Variants in CSMD1 observed in about 807,000 individuals in gnomAD.
CSMD1 encodes the protein CUB and sushi domain-containing protein 1.
Under a neutral mutation model 417.5 loss-of-function variants are expected in CSMD1, and 213 were observed. The observed-to-expected ratio is 0.51, with a 90% confidence interval of 0.46 to 0.57. CSMD1 has a LOEUF of 0.57. Ranked by LOEUF, CSMD1 falls within the 20% of genes least tolerant of loss-of-function variation. The probability of loss-of-function intolerance (pLI) is 0.00; values close to 1 mark genes in which losing one functional copy is unlikely to be tolerated. For missense variants in CSMD1, 6,923 were observed against 4,529.7 expected (o/e 1.53, Z -15.17); for synonymous variants, 2,862 against 1,736.8 (o/e 1.65, Z -16.11).
chr8:4,171,809 C>G (rs1797778644), intron 3 of CSMD1, among the ~76,000 whole-genome samples: 1 of 152,068 alleles, frequency 6.6e-6, no homozygotes, highest in Admixed American at 6.6e-5. Context: ...ATTCATTAGA[C>G]AAATCATCTA....
chr8:2,976,027 G>A (rs1247156661), intron 55 of CSMD1, among the ~76,000 whole-genome samples: 1 of 152,202 alleles, frequency 6.6e-6, no homozygotes, highest in African/African-American at 2.4e-5. Flanking sequence ...ATGTGTGAAA[G>A]CAAGGAAGAT....
chr8:3,178,434 G>C (rs569599486), intron 37 of CSMD1, among the ~76,000 whole-genome samples: 130 of 151,946 alleles, frequency 8.6e-4, no homozygotes, highest in African/African-American at 3.1e-3. Context: ...CTGACCTTTG[G>C]TGTCATTGTT....
rs778919153 is a variant in CSMD1 at position 2,951,160 on chromosome 8, C to T, written c.10155G>A (p.Val3385=). The T allele has an allele frequency of 3.7e-6, 6 of 1,613,590 alleles. No homozygotes were observed. Among genetic ancestry groups the T allele is most frequent in the South Asian group, 1.1e-5 (1 of 91,046 alleles). Residue 3385 remains valine, a synonymous_variant, in exon 66 of 70, where the codon GTG becomes GTA. Transcript: ENST00000635120. ...GCGAGGCTTCGCTGAAGGTGGCATTCACCTTACTGCTTGTTGCATTGAACC... is the reference window on the plus strand; with the variant it reads ...GCGAGGCTTCGCTGAAGGTGGCATTTACCTTACTGCTTGTTGCATTGAACC... ...VDWFNATSSK[V]NATFSEASPV...
At chr8:2,988,041 C>A (rs533738016) in intron 54 of CSMD1, among the ~76,000 whole-genome samples, 15 of 152,248 alleles carry the variant, frequency 9.9e-5, no homozygotes, top group East Asian at 3.9e-4. Context: ...AACCTATTTT[C>A]CCCAGTTATT....
In CSMD1 at chr8:2,973,829, A is replaced by G. The variant is rs551823672; in HGVS notation, c.8741-530T>C. Among the ~76,000 whole-genome samples, 307 of 150,496 alleles carry G rather than the reference A, an allele frequency of 2.0e-3. 1 individual carries two copies. Among genetic ancestry groups the G allele is most frequent in the African/African-American group, 7.0e-3 (280 of 40,230 alleles). On this transcript the variant is annotated intron_variant, in intron 56 of 69. Transcript: ENST00000635120. Reference sequence around the variant, plus strand: ...ATGCGGTTAATGGTGGTAGAGGATGATGGTAGAGGATGATGGTAGAGGATG... The same window carrying G: ...ATGCGGTTAATGGTGGTAGAGGATGGTGGTAGAGGATGATGGTAGAGGATG...
chr8:3,207,250 G>T (rs1294774964), intron 30 of CSMD1, among the ~76,000 whole-genome samples: 1 of 144,162 alleles, frequency 6.9e-6, no homozygotes, highest in Non-Finnish European at 1.5e-5. Flanking sequence ...GGGTTCAAAC[G>T]ATTCTCTTGC....
chr8:4,492,458 A>T (rs1234547190), intron 2 of CSMD1, among the ~76,000 whole-genome samples: 1 of 152,220 alleles, frequency 6.6e-6, no homozygotes, highest in Non-Finnish European at 1.5e-5. Flanking sequence ...CATCACAAGT[A>T]AACATGAGCT....
At chr8:4,300,039 G>A (rs1259546718) in intron 3 of CSMD1, among the ~76,000 whole-genome samples, 1 of 152,204 alleles carries the variant, frequency 6.6e-6, no homozygotes, top group Non-Finnish European at 1.5e-5. Context: ...GCCACAAAGA[G>A]TGAGAGGAAG....
intron 1 of CSMD1, among the ~76,000 whole-genome samples, chr8:4,743,482 C>T (rs1810754179): frequency 6.6e-6 from 1 of 152,144 alleles, no homozygotes; most frequent in Admixed American, 6.5e-5. Flanking sequence ...GTCAGAAACA[C>T]CGGAGCGTCA....
intron 3 of CSMD1, among the ~76,000 whole-genome samples, chr8:4,151,400 T>C (rs929341024): frequency 1.3e-5 from 2 of 152,178 alleles, no homozygotes; most frequent in South Asian, 2.1e-4. Flanking sequence ...CCAAGAAAAA[T>C]ACTCTTTAAA....
chr8:4,982,175 G>A (rs1156563081), intron 1 of CSMD1, among the ~76,000 whole-genome samples: 5 of 152,294 alleles, frequency 3.3e-5, no homozygotes, highest in African/African-American at 4.8e-5. Flanking sequence ...AAGCTGCCAA[G>A]CCATGCACAG....
intron 1 of CSMD1, among the ~76,000 whole-genome samples, chr8:4,725,427 G>T (rs12676322): frequency 0.48 from 73,532 of 152,002 alleles, 20,177 homozygotes; most frequent in East Asian, 0.73. Flanking sequence ...ATTATTTATG[G>T]TTGTTGTTCT....
chr8:3,609,243 G>A (rs779946296), intron 8 of CSMD1, among the ~76,000 whole-genome samples: 1 of 152,184 alleles, frequency 6.6e-6, no homozygotes, highest in Non-Finnish European at 1.5e-5. Flanking sequence ...CAGAAAGACA[G>A]ATGAACAATA....
At chr8:3,344,547 C>A (rs1185174029) in intron 22 of CSMD1, among the ~76,000 whole-genome samples, 1 of 152,186 alleles carries the variant, frequency 6.6e-6, no homozygotes, top group African/African-American at 2.4e-5. Flanking sequence ...AATCCACCTG[C>A]CTCCCTCACT....
chr8:4,301,324 T>G (rs922911358), intron 3 of CSMD1, among the ~76,000 whole-genome samples: 1 of 152,226 alleles, frequency 6.6e-6, no homozygotes, highest in Non-Finnish European at 1.5e-5. Flanking sequence ...CCATGACCTT[T>G]ATACTCAACT....
Position 4,095,031 on chromosome 8 carries a change from G to C in CSMD1, c.416-62932C>G, listed in dbSNP as rs917960965. Among the ~76,000 whole-genome samples, 22 of 152,284 alleles carry C rather than the reference G, an allele frequency of 1.4e-4. 2 individuals are homozygous for C. In the South Asian group the frequency reaches 1.5e-3, roughly 10 times the overall value. ...GAGAGACCATGGCAACAAAGATCTTGAGAAAGTCATGTAAGTAGTTGAGCT... is the reference window on the plus strand; with the variant it reads ...GAGAGACCATGGCAACAAAGATCTTCAGAAAGTCATGTAAGTAGTTGAGCT... On this transcript the variant is annotated intron_variant, in intron 3 of 69. Coordinates refer to ENST00000635120, the MANE Select transcript of CSMD1 (RefSeq NM_033225.6).
At chr8:4,441,320 C>T (rs955623008) in intron 2 of CSMD1, among the ~76,000 whole-genome samples, 3 of 146,854 alleles carry the variant, frequency 2.0e-5, no homozygotes, top group Non-Finnish European at 3.0e-5. Context: ...ACTCTGCCCC[C>T]TAGGCTAGTT....
rs373125532 is a variant in CSMD1 at position 3,144,024 on chromosome 8, C to A, written c.6032-1350G>T. On this transcript the variant is annotated intron_variant, in intron 40 of 69. Transcript: ENST00000635120. ...AACAATTTCATTAATTATGGAGAAA[C>A]TTGGCAGGGAGAAGCAAAAGGGTAA... Among the ~76,000 whole-genome samples, 774 of 152,278 alleles carry A rather than the reference C, an allele frequency of 5.1e-3. 11 individuals carry two copies. Among genetic ancestry groups the A allele is most frequent in the African/African-American group, 0.018 (740 of 41,548 alleles).
intron 1 of CSMD1, among the ~76,000 whole-genome samples, chr8:4,718,497 T>A (rs1020185579): frequency 6.6e-6 from 1 of 152,020 alleles, no homozygotes. Context: ...GAATAACTAA[T>A]ATTCCCGCTG....
Sources: gnomAD v4.1 joint callset for allele counts (sites outside exome capture counted in the v4.1 genomes callset) on GRCh38, gnomAD v4.1.1 for gene constraint, MANE v1.5 for transcripts, NCBI Gene and HGNC (gene_info 2026-07-23, HGNC 2026-07-21) for gene names.